Variants in WASF3 observed in about 807,000 individuals in gnomAD.
WASF3 encodes WASP family member 3, also known as actin-binding protein WASF3.
WASF3 carries 11 observed loss-of-function variants against 46.6 expected under a neutral mutation model. That is an observed-to-expected ratio of 0.24 (90% CI 0.15 to 0.39). The LOEUF (loss-of-function observed/expected upper bound fraction) is 0.39, where lower values mean the gene tolerates loss of function less well. Among genes scored for constraint, WASF3 ranks in the 10% least tolerant of loss-of-function variants. The probability of loss-of-function intolerance (pLI) is 1.00; values close to 1 mark genes in which losing one functional copy is unlikely to be tolerated. For synonymous variants in WASF3, 242 were observed against 259.7 expected, an observed-to-expected ratio of 0.93 and a Z score of 0.65; for missense variants, 576 against 669.8, an observed-to-expected ratio of 0.86 and a Z score of 1.55.
At chr13:26,582,277 T>G (rs1880001608) in intron 1 of WASF3, among the ~76,000 whole-genome samples, 3 of 152,240 alleles carry the variant, frequency 2.0e-5, no homozygotes, top group African/African-American at 7.2e-5. Context: ...GAGCAGGGGC[T>G]TTGGGGCCAG....
intron 1 of WASF3, among the ~76,000 whole-genome samples, chr13:26,599,344 G>A (rs777166004): frequency 2.6e-5 from 4 of 151,996 alleles, no homozygotes; most frequent in Non-Finnish European, 5.9e-5. Flanking sequence ...CACCAAGCCC[G>A]GCTAATTTTC....
the WASF3 span, among the ~76,000 whole-genome samples, chr13:26,552,205 C>T: frequency 6.6e-6 from 1 of 152,188 alleles, no homozygotes; most frequent in Non-Finnish European, 1.5e-5. Context: ...GACAATTTCT[C>T]TGGGCCTTAT....
intron 1 of WASF3, among the ~76,000 whole-genome samples, chr13:26,584,045 C>T (rs915037223): frequency 6.6e-6 from 1 of 152,218 alleles, no homozygotes; most frequent in Non-Finnish European, 1.5e-5. Context: ...GTACCTCCCC[C>T]ACCTCCCTGG....
At chr13:26,638,591 T>A (rs1881899886) in intron 2 of WASF3, 1 of 152,232 alleles carries the variant, frequency 6.6e-6, no homozygotes, top group Non-Finnish European at 1.5e-5. Context: ...GTTCATTAAA[T>A]GTTTGTTTTT....
At position 26,688,634 on chromosome 13, in the gene WASF3, A is replaced by C. The variant is rs1883483959; in HGVS notation, c.*2789A>C. On this transcript the variant is annotated 3_prime_UTR_variant, in exon 10 of 10. Coordinates refer to ENST00000335327, the MANE Select transcript of WASF3 (RefSeq NM_006646.6). ...TCTCAGTAAGTTTTTAGAACATCAA[A>C]ATGTTTTCTGAGCTCCAAGTGGCTA... 1 of 152,254 alleles carries C rather than the reference A, an allele frequency of 6.6e-6. No individual in the cohort carries two copies. The highest frequency in any genetic ancestry group is 2.1e-4 in the South Asian group (1 of 4,836). The allele number at this position is 152,254 out of a possible 1,614,324, so 9.4% of individuals were successfully genotyped here.
intron 1 of WASF3, among the ~76,000 whole-genome samples, chr13:26,578,993 C>CTTTTTTTTTTTTTTTTTTTTTGTTTTTT (rs1879888790): frequency 1.6e-5 from 1 of 60,638 alleles, no homozygotes; most frequent in Non-Finnish European, 2.8e-5. Context: ...GATACATTTC[C>CTTTTTTTTTTTTTTTTTTTTTGTTTTTT]TTTTTTTTTT....
At chr13:26,635,810 C>T (rs1593161592) in intron 2 of WASF3, among the ~76,000 whole-genome samples, 1 of 152,238 alleles carries the variant, frequency 6.6e-6, no homozygotes, top group African/African-American at 2.4e-5. Context: ...GCCTAGGTAT[C>T]ACCAGCGGAA....
the WASF3 span, among the ~76,000 whole-genome samples, chr13:26,547,835 T>C: frequency 1.2e-4 from 18 of 152,282 alleles, no homozygotes; most frequent in East Asian, 3.1e-3. Context: ...TTGTCCACAT[T>C]GAAATGAGTA....
intron 2 of WASF3, among the ~76,000 whole-genome samples, chr13:26,620,114 A>G (rs1488705024): frequency 6.6e-6 from 1 of 152,140 alleles, no homozygotes; most frequent in Admixed American, 6.6e-5. Flanking sequence ...TTGATTGTAA[A>G]ATAAAGTTAT....
Position 26,677,604 on chromosome 13 carries a change from C to G in WASF3, c.716+880C>G, listed in dbSNP as rs533255046. Among the ~76,000 whole-genome samples the G allele has an allele frequency of 3.1e-4, 47 of 152,270 alleles. 3 individuals are homozygous for G. The East Asian group carries it at 3.9e-3, about 12-fold the overall frequency. On this transcript the variant is annotated intron_variant, in intron 7 of 9. Coordinates refer to ENST00000335327, the MANE Select transcript of WASF3 (RefSeq NM_006646.6). ...TAACGTATTACGTGCCTTCAATGTT[C>G]CCACCCCAGAAGGTCTATAAGTCAT...
intron 1 of WASF3, among the ~76,000 whole-genome samples, chr13:26,590,795 C>CA (rs376654916): frequency 1.9e-4 from 29 of 152,174 alleles, no homozygotes; most frequent in African/African-American, 6.0e-4. Context: ...AACAAAACCT[C>CA]AAAAAAATCC....
chr13:26,631,192 C>G (rs1439150204), intron 2 of WASF3, among the ~76,000 whole-genome samples: 3 of 152,170 alleles, frequency 2.0e-5, no homozygotes, highest in Non-Finnish European at 4.4e-5. Flanking sequence ...GCTTTTGTTT[C>G]CATTGCTTTT....
At chr13:26,584,517 G>A (rs1350561836) in intron 1 of WASF3, among the ~76,000 whole-genome samples, 1 of 152,166 alleles carries the variant, frequency 6.6e-6, no homozygotes, top group Non-Finnish European at 1.5e-5. Context: ...GAGAGTTCTG[G>A]TCGTTAACCA....
chr13:26,658,039 T>G (rs922324257), intron 3 of WASF3, among the ~76,000 whole-genome samples: 1 of 152,190 alleles, frequency 6.6e-6, no homozygotes, highest in African/African-American at 2.4e-5. Context: ...CCTTTTCTGC[T>G]TATGCAGCAT....
chr13:26,681,962 T>C (rs1883245174), intron 8 of WASF3, among the ~76,000 whole-genome samples: 1 of 152,222 alleles, frequency 6.6e-6, no homozygotes, highest in African/African-American at 2.4e-5. Flanking sequence ...AACACGTGTC[T>C]GCACACCCCT....
intron 4 of WASF3, among the ~76,000 whole-genome samples, chr13:26,666,197 T>C (rs1278920741): frequency 6.6e-6 from 1 of 152,180 alleles, no homozygotes; most frequent in Non-Finnish European, 1.5e-5. Flanking sequence ...CAACAATAAG[T>C]ATTAGTTGGT....
intron 5 of WASF3, among the ~76,000 whole-genome samples, chr13:26,670,545 T>C (rs1260608677): frequency 6.6e-6 from 1 of 152,214 alleles, no homozygotes; most frequent in Admixed American, 6.5e-5. Context: ...AACATTTGCT[T>C]ACTTAAGTGA....
intron 6 of WASF3, among the ~76,000 whole-genome samples, chr13:26,673,454 A>C (rs1327441225): frequency 2.0e-5 from 3 of 152,194 alleles, no homozygotes; most frequent in Non-Finnish European, 2.9e-5. Flanking sequence ...TACCACCCTC[A>C]TGGAGAGGAC....
chr13:26,589,747 G>A (rs1047061508), intron 1 of WASF3, among the ~76,000 whole-genome samples: 3 of 152,198 alleles, frequency 2.0e-5, no homozygotes, highest in African/African-American at 4.8e-5. Context: ...AGTTTGGGGT[G>A]TAGGATACCT....
Sources: allele counts gnomAD v4.1 joint callset (sites outside exome capture counted in the v4.1 genomes callset), GRCh38; gene constraint gnomAD v4.1.1; transcripts MANE v1.5; gene names NCBI Gene and HGNC (gene_info 2026-07-23, HGNC 2026-07-21).